The following GK5 variants were observed in gnomAD, a reference collection of about 807,000 sequenced individuals.
GK5 encodes the protein glycerol kinase 5.
Under a neutral mutation model 77.3 loss-of-function variants are expected in GK5, and 39 were observed. The observed-to-expected ratio is 0.50, with a 90% CI of 0.39 to 0.66. The LOEUF (loss-of-function observed/expected upper bound fraction) is 0.66. Among genes scored for constraint, GK5 ranks in the 30% least tolerant of loss-of-function variants. The pLI is 0.00. For synonymous variants in GK5, 211 were observed against 208.0 expected, an observed-to-expected ratio of 1.01 and a Z score of -0.13; for missense variants, 487 against 633.8, an observed-to-expected ratio of 0.77 and a Z score of 2.49.
At position 142,191,461 on chromosome 3, in the gene GK5, T is replaced by C. The variant is rs570272650; in HGVS notation, c.544-3682A>G. On this transcript the variant is annotated intron_variant, in intron 5 of 15. Coordinates refer to ENST00000392993, the MANE Select transcript of GK5 (RefSeq NM_001039547.3). ...AGCTCACACCTGTAGCCCAGCACTT[T>C]GGGAGGCCAAGGTGGCAGGATCACT... Among the ~76,000 whole-genome samples the C allele has an allele frequency of 8.3e-4, 126 of 152,074 alleles. 3 individuals are homozygous for C. The highest frequency in any genetic ancestry group is 2.9e-3 in the African/African-American group (121 of 41,498).
In GK5 at chr3:142,225,431, C is replaced by A; in HGVS notation, c.25G>T (p.Glu9Ter). Residue 9 changes from glutamate (E) to a stop codon, truncating the protein, a stop_gained, in exon 1 of 16, where the codon GAG (glutamate) becomes TAG (stop). Coordinates refer to ENST00000392993, the MANE Select transcript of GK5 (RefSeq NM_001039547.3). LOFTEE classifies it high-confidence loss of function. MSGLLTDP[E>*]QRAQEPRYPG... ...TACCGCGGCTCCTGCGCTCTCTGCTCCGGGTCCGTGAGCAGCCCCGACATC... is the reference window on the plus strand; with the variant it reads ...TACCGCGGCTCCTGCGCTCTCTGCTACGGGTCCGTGAGCAGCCCCGACATC... The A allele has an allele frequency of 6.2e-7, 1 of 1,603,140 alleles. No homozygotes were observed.
rs185830876 is a variant in GK5 at position 142,178,575 on chromosome 3, C to T, written c.1049-999G>A. Among the ~76,000 whole-genome samples the T allele has an allele frequency of 1.8e-4, 27 of 152,322 alleles. No homozygotes were observed. In the East Asian group the frequency reaches 5.2e-3, roughly 29 times the overall value. On this transcript the variant is annotated intron_variant, in intron 11 of 15. Coordinates refer to ENST00000392993, the MANE Select transcript of GK5 (RefSeq NM_001039547.3). ...AAACATCGTACTCGTGAGATTCATT[C>T]ACACTGTTACATGTAGTTGTACTCC...
chr3:142,166,665 C>T (rs2063475863), intron 15 of GK5, among the ~76,000 whole-genome samples: 1 of 152,122 alleles, frequency 6.6e-6, no homozygotes, highest in South Asian at 2.1e-4. Flanking sequence ...TCTCGAGTAG[C>T]TCGGACCATA....
intron 1 of GK5, among the ~76,000 whole-genome samples, chr3:142,218,485 G>A (rs2064303332): frequency 6.8e-6 from 1 of 146,712 alleles, no homozygotes; most frequent in South Asian, 2.1e-4. Flanking sequence ...GAGGTTCAGC[G>A]AGCCGAGATC....
chr3:142,186,337 C>T, intron 7 of GK5, 70 bp from the exon 8 acceptor site: 1 of 1,064,864 alleles, frequency 9.4e-7, no homozygotes, highest in Non-Finnish European at 1.4e-6. Flanking sequence ...TATATCAAAA[C>T]ATCATGTTGT....
At chr3:142,198,652 T>C in intron 5 of GK5, 150 bp downstream of exon 5, 1 of 619,494 alleles carries the variant, frequency 1.6e-6, no homozygotes. Flanking sequence ...AGATGCCACT[T>C]TGTCTTCCAT....
rs2108773732 is a variant in GK5, at chr3:142,157,961, T to TG, written c.*7660_*7661insC. 1 of 151,828 alleles carries TG rather than the reference T, an allele frequency of 6.6e-6. No individual in the cohort carries two copies. The highest frequency in any genetic ancestry group is 2.4e-5 in the African/African-American group (1 of 41,362). 9.4% of individuals were successfully genotyped at this position (151,828 alleles called of 1,614,324 possible). ...GTTGTTGTTGTTGTTGTTTTTGTTT[T>TG]TTTTTTTTGAGATGGAGTCTCACTC... On this transcript the variant is annotated 3_prime_UTR_variant, in exon 16 of 16. Transcript: ENST00000392993.
rs781272840 is a variant in GK5 at position 142,177,517 on chromosome 3, C to T, written c.1108G>A (p.Gly370Arg). 8 of 1,612,308 alleles carry T rather than the reference C, an allele frequency of 5.0e-6. No individual in the cohort carries two copies. The Admixed American group carries it at 6.7e-5, about 13-fold the overall frequency. Reference protein sequence around the residue: ...KMAKSLEDSEGVCFVPSFSGL... With the variant: ...KMAKSLEDSERVCFVPSFSGL... ...CTAAAAGATGGAACAAAACAAACTC[C>T]TTCAGAATCCTCCAAACTTTTGGCC... Residue 370 changes from glycine (G) to arginine (R), a missense_variant, in exon 12 of 16, where the codon GGA becomes AGA. Physicochemically the swap from Gly to Arg is moderately radical, Grantham distance 125 (BLOSUM62 -2). Around this residue, in one of 4 missense-constraint regions of GK5, gnomAD observed 323 missense variants for 437.4 expected, o/e 0.74. Transcript: ENST00000392993.
chr3:142,220,378 G>A (rs192449661), intron 1 of GK5, among the ~76,000 whole-genome samples: 9 of 152,158 alleles, frequency 5.9e-5, no homozygotes, highest in East Asian at 5.8e-4. Flanking sequence ...CTCGTGATCC[G>A]CCCGCCTCAG....
intron 5 of GK5, among the ~76,000 whole-genome samples, chr3:142,188,122 T>G (rs1226183932): frequency 6.6e-6 from 1 of 151,958 alleles, no homozygotes; most frequent in East Asian, 1.9e-4. Flanking sequence ...GTCGGCTGGG[T>G]GCGTTGGCTC....
intron 5 of GK5, among the ~76,000 whole-genome samples, chr3:142,198,226 T>C (rs1208621392): frequency 6.6e-6 from 1 of 152,086 alleles, no homozygotes; most frequent in Non-Finnish European, 1.5e-5. Context: ...GCAATGAAAA[T>C]ATAAGCAAAG....
At chr3:142,184,260 C>CAAA (rs1161704184) in intron 9 of GK5, among the ~76,000 whole-genome samples, 407 of 10,646 alleles carry the variant, frequency 0.038, 118 homozygotes, top group African/African-American at 0.096. Context: ...GACTCTGTCT[C>CAAA]AAAAAAAAAA....
At position 142,182,928 on chromosome 3, in the gene GK5, G is replaced by A. The variant is rs1577116950; in HGVS notation, c.938C>T (p.Thr313Ile). 1 of 1,606,868 alleles carries A rather than the reference G, an allele frequency of 6.2e-7. No homozygotes were observed. Among genetic ancestry groups the A allele is most frequent in the Non-Finnish European group, 8.5e-7 (1 of 1,173,506 alleles). The part of the protein sequence containing the change: ...INTGNSLQQT[T>I]GGFYPLIGWK... Reference sequence around the variant, plus strand: ...GATAAATCCTAACTACTTACCTCCAGTAGTCTGTTGAAGGCTATTTCCAGT... The same window carrying A: ...GATAAATCCTAACTACTTACCTCCAATAGTCTGTTGAAGGCTATTTCCAGT... The change falls in exon 10 of 16, where the codon ACT becomes ATT. Residue 313 changes from threonine (T) to isoleucine (I), a missense_variant. Thr to Ile is a moderately conservative substitution (Grantham distance 89). Transcript: ENST00000392993.
At chr3:142,181,101 G>A (rs953473023) in intron 11 of GK5, among the ~76,000 whole-genome samples, 1 of 152,140 alleles carries the variant, frequency 6.6e-6, no homozygotes, top group African/African-American at 2.4e-5. Flanking sequence ...TCATTTGATC[G>A]TAAAATACCT....
rs2063437678 is a variant in GK5 at position 142,163,055 on chromosome 3, T to G, written c.*2567A>C. The G allele has an allele frequency of 1.3e-5, 2 of 152,000 alleles. No homozygotes were observed. The highest frequency in any genetic ancestry group is 2.9e-5 in the Non-Finnish European group (2 of 68,012). 9.4% of individuals were successfully genotyped at this position (152,000 alleles called of 1,614,324 possible). On this transcript the variant is annotated 3_prime_UTR_variant, in exon 16 of 16. Transcript: ENST00000392993. ...TGCTCAATTGATCTTATCAACTGTT[T>G]CTGCAACCACAAAAGCAAATGTGGT...
intron 1 of GK5, 40 bp from the exon 2 acceptor site, chr3:142,215,732 T>C (rs2064267226): frequency 3.1e-6 from 3 of 982,396 alleles, no homozygotes; most frequent in South Asian, 2.8e-5. Flanking sequence ...CAGCATTAGA[T>C]CAAGTCAATA....
In GK5 at chr3:142,198,950, A is replaced by G; in HGVS notation, c.412-17T>C. The stretch of plus-strand genomic sequence containing the variant: ...GTGAAATATCTATATTTTAAAAAAC[A>G]TATTTTAGGAAAATGCATTTAGTAG... On this transcript the variant is annotated splice_polypyrimidine_tract_variant and intron_variant, in intron 4 of 15. Transcript: ENST00000392993. 1.9e-6 allele frequency: 3 copies of G among 1,585,352 alleles called. No homozygotes were observed. The highest frequency in any genetic ancestry group is 2.3e-5 in the South Asian group (2 of 87,666).
At chr3:142,201,771 G>A (rs534770641) in intron 4 of GK5, among the ~76,000 whole-genome samples, 1 of 152,290 alleles carries the variant, frequency 6.6e-6, no homozygotes, top group Non-Finnish European at 1.5e-5. Flanking sequence ...TTACCATGGG[G>A]AGAAAGTGCA....
chr3:142,225,502 C>T lies in GK5; in HGVS notation c.-47G>A. 1.3e-6 allele frequency: 2 copies of T among 1,579,166 alleles called. No homozygotes were observed. Among genetic ancestry groups the T allele is most frequent in the South Asian group, 1.1e-5 (1 of 87,102 alleles). The stretch of plus-strand genomic sequence containing the variant: ...GCTACAGCCGCCTACCCAGAGGGCG[C>T]GCTACAAATCCCAATGCTCCAGAGT... On this transcript the variant is annotated 5_prime_UTR_variant, in exon 1 of 16. Coordinates refer to ENST00000392993, the MANE Select transcript of GK5 (RefSeq NM_001039547.3).
Sources: allele counts gnomAD v4.1 joint callset (sites outside exome capture counted in the v4.1 genomes callset), GRCh38; gene constraint gnomAD v4.1.1; regional missense constraint gnomAD v4.1.1; transcripts MANE v1.5; gene names NCBI Gene and HGNC (gene_info 2026-07-23, HGNC 2026-07-21).